DYNC2H1: variants seen among roughly 807,000 people sequenced by gnomAD.
DYNC2H1 encodes the protein cytoplasmic dynein 2 heavy chain 1.
DYNC2H1 carries 410 observed loss-of-function variants against 570.0 expected under a neutral mutation model. The observed-to-expected ratio is 0.72, with a 90% CI of 0.66 to 0.78. The LOEUF is 0.78. Among genes scored for constraint, DYNC2H1 ranks in the 30% least tolerant of loss-of-function variants. DYNC2H1 has a pLI of 0.00. For missense variants in DYNC2H1, 4,865 were observed against 5,046.4 expected, an observed-to-expected ratio of 0.96 and a Z score of 1.09; for synonymous variants, 1,688 against 1,677.6, an observed-to-expected ratio of 1.01 and a Z score of -0.15.
At position 103,326,033 on chromosome 11, in the gene DYNC2H1, G is replaced by T. The variant is rs142400456; in HGVS notation, c.12039+2043G>T. Among the ~76,000 whole-genome samples, 2 of 152,276 alleles carry T rather than the reference G, an allele frequency of 1.3e-5. No individual in the cohort carries two copies. Among genetic ancestry groups the T allele is most frequent in the African/African-American group, 4.8e-5 (2 of 41,546 alleles). ...GTTTGGGGCGCTTTCAGAGGGCCAA[G>T]GCTCTGTACAGTGTCTTTATTTGTG... On this transcript the variant is annotated intron_variant, in intron 82 of 88. Transcript: ENST00000375735. The surrounding 1 kb of genome is among the most constrained non-coding windows in gnomAD (Gnocchi z 6.1).
At chr11:103,291,116 A>G (rs1591532240) in intron 75 of DYNC2H1, among the ~76,000 whole-genome samples, 1 of 152,202 alleles carries the variant, frequency 6.6e-6, no homozygotes, top group East Asian at 1.9e-4. Context: ...GTTTATATTT[A>G]TTGATAGTTT....
rs564320561 is a variant in DYNC2H1, at chr11:103,268,834, G to T, written c.10695+8857G>T. ...AGTTAGTTGCTTGTTTCTAAGCTAT[G>T]TGTCTTATCTCAGTTTATATATTCT... On this transcript the variant is annotated intron_variant, in intron 70 of 88. Transcript: ENST00000375735. This position sits in a 1 kb window ranked among gnomAD's most constrained non-coding sequence, Gnocchi z 4.6. Among the ~76,000 whole-genome samples, 3 of 152,098 alleles carry T rather than the reference G, an allele frequency of 2.0e-5. No homozygotes were observed. In the South Asian group the frequency reaches 6.2e-4, roughly 32 times the overall value.
intron 76 of DYNC2H1, among the ~76,000 whole-genome samples, chr11:103,304,042 C>G (rs1867163565): frequency 6.6e-6 from 1 of 150,880 alleles, no homozygotes; most frequent in Non-Finnish European, 1.5e-5. Flanking sequence ...GCCTTTTTTT[C>G]AATTTGCATG....
chr11:103,161,100 T>G (rs1591338787), intron 29 of DYNC2H1, 56 bp downstream of exon 29: 1 of 1,004,204 alleles, frequency 1.0e-6, no homozygotes, highest in South Asian at 1.9e-5. Context: ...ATATGAACTT[T>G]GTGTCTAAAA....
intron 75 of DYNC2H1, among the ~76,000 whole-genome samples, chr11:103,300,248 A>T (rs1309338599): frequency 6.6e-6 from 1 of 152,050 alleles, no homozygotes; most frequent in African/African-American, 2.4e-5. Flanking sequence ...ATAAAATAAA[A>T]AACAATAAAG....
At chr11:103,332,725 G>A (rs1938886448) in intron 82 of DYNC2H1, among the ~76,000 whole-genome samples, 1 of 152,152 alleles carries the variant, frequency 6.6e-6, no homozygotes, top group African/African-American at 2.4e-5. Flanking sequence ...TTCTCGGCTG[G>A]GCACAGTGGC....
chr11:103,109,729 GGGT>G lies in DYNC2H1; in HGVS notation c.157_159del (p.Val53del). 1 of 1,613,866 alleles carries G rather than the reference GGGT, an allele frequency of 6.2e-7. No individual in the cohort carries two copies. Among genetic ancestry groups the G allele is most frequent in the Non-Finnish European group, 8.5e-7 (1 of 1,179,876 alleles). The stretch of plus-strand genomic sequence containing the variant: ...GATGACGGCAACCAGATGCTCCTCA[GGGT>G]GCAGCGATCCGACGCAGGAATCTCC... On this transcript the variant is annotated inframe_deletion, in exon 1 of 89. Transcript: ENST00000375735.
intron 73 of DYNC2H1, 144 bp downstream of exon 73, chr11:103,283,229 T>A: frequency 1.9e-6 from 1 of 539,018 alleles, no homozygotes; most frequent in Non-Finnish European, 3.2e-6. Flanking sequence ...ACCAAAGAAT[T>A]ATTGTAATTA....
intron 13 of DYNC2H1, among the ~76,000 whole-genome samples, chr11:103,131,721 A>T (rs987193354): frequency 6.7e-6 from 1 of 149,680 alleles, no homozygotes; most frequent in Admixed American, 6.7e-5. Flanking sequence ...CATATTTGAC[A>T]TTTTTTTTTT....
At chr11:103,424,125 C>G (rs1943585412) in intron 84 of DYNC2H1, among the ~76,000 whole-genome samples, 1 of 151,950 alleles carries the variant, frequency 6.6e-6, no homozygotes, top group Admixed American at 6.6e-5. Flanking sequence ...TGCATGGATC[C>G]AGAGTATTTT....
chr11:103,121,340 T>G, intron 9 of DYNC2H1, 32 bp from the exon 10 acceptor site: 4 of 1,555,412 alleles, frequency 2.6e-6, no homozygotes, highest in Non-Finnish European at 3.5e-6. Flanking sequence ...TGCTAATTCT[T>G]TGTAATCATT....
chr11:103,384,936 C>G (rs758959023), intron 83 of DYNC2H1, among the ~76,000 whole-genome samples: 2 of 152,094 alleles, frequency 1.3e-5, no homozygotes, highest in Non-Finnish European at 2.9e-5. Flanking sequence ...AATTTGCCCT[C>G]TGTCTTAAAG....
At chr11:103,368,439 TG>T (rs200101618) in intron 83 of DYNC2H1, among the ~76,000 whole-genome samples, 2 of 151,648 alleles carry the variant, frequency 1.3e-5, no homozygotes, top group Non-Finnish European at 2.9e-5. Context: ...GAATCACATT[TG>T]GGTTTTTTTT....
chr11:103,330,513 CTT>C (rs1176644782), intron 82 of DYNC2H1, among the ~76,000 whole-genome samples: 1 of 144,340 alleles, frequency 6.9e-6, no homozygotes, highest in Non-Finnish European at 1.6e-5. Context: ...TTAAAACAGA[CTT>C]TTGTTTCAGA....
At chr11:103,182,653 T>A (rs1861900097) in intron 40 of DYNC2H1, among the ~76,000 whole-genome samples, 1 of 151,876 alleles carries the variant, frequency 6.6e-6, no homozygotes, top group South Asian at 2.1e-4. Context: ...TGAAAAAAGT[T>A]TAGCATGCAA....
Position 103,316,599 on chromosome 11 carries a change from A to T in DYNC2H1, c.11704A>T (p.Ile3902Phe). 6.5e-7 allele frequency: 1 copy of T among 1,547,676 alleles called. No individual in the cohort carries two copies. Among genetic ancestry groups the T allele is most frequent in the Non-Finnish European group, 8.7e-7 (1 of 1,148,680 alleles). ...SLSDLRAGYN[I>F]IDRLFDGAKD... is the part of the protein sequence containing the mutation. ...ATCAGATCTTCGGGCTGGGTACAACATTATTGACAGACTTTTTGATGGTAA... is the reference window on the plus strand; with the variant it reads ...ATCAGATCTTCGGGCTGGGTACAACTTTATTGACAGACTTTTTGATGGTAA... The change falls in exon 80 of 89, where the codon ATT becomes TTT. Residue 3902 changes from isoleucine to phenylalanine, a missense_variant. Physicochemically the swap from Ile to Phe is conservative, Grantham distance 21. Transcript: ENST00000375735.
Position 103,134,495 on chromosome 11 carries a change from C to T in DYNC2H1, c.2205+76C>T, listed in dbSNP as rs1021631870. The T allele has an allele frequency of 2.6e-5, 30 of 1,151,956 alleles. No individual in the cohort carries two copies. In the East Asian group the frequency reaches 6.8e-4, roughly 26 times the overall value. 71.4% of individuals were successfully genotyped at this position (1,151,956 alleles called of 1,614,324 possible). A position where few individuals can be genotyped will look rare whatever the true frequency, so the allele number is the denominator to read the frequency against. ...AATGTAAGTACAATATATGAATTGC[C>T]GAGAAGTTCATAAAAGTTATCTTTA... On this transcript the variant is annotated intron_variant, in intron 15 of 88. Coordinates refer to ENST00000375735, the MANE Select transcript of DYNC2H1 (RefSeq NM_001377.3).
rs1862724498 is a variant in DYNC2H1 at position 103,201,660 on chromosome 11, G to A, written c.8197+1506G>A. 6.6e-6 allele frequency among the ~76,000 whole-genome samples: 1 copy of A among 152,138 alleles called. No homozygotes were observed. The highest frequency in any genetic ancestry group is 2.1e-4 in the South Asian group (1 of 4,824). The stretch of plus-strand genomic sequence containing the variant: ...GTTGCTACTCTTCTCCTGTGGCTCT[G>A]TCCCCAGCAAACTGTGGTACTCTCC... On this transcript the variant is annotated intron_variant, in intron 50 of 88. Coordinates refer to ENST00000375735, the MANE Select transcript of DYNC2H1 (RefSeq NM_001377.3). The surrounding 1 kb of genome is among the most constrained non-coding windows in gnomAD (Gnocchi z 4.8).
chr11:103,451,368 C>G (rs1944597377), intron 85 of DYNC2H1, among the ~76,000 whole-genome samples: 3 of 108,358 alleles, frequency 2.8e-5, no homozygotes, highest in African/African-American at 1.1e-4. Flanking sequence ...GAGTCTTGCT[C>G]TATCACCAGG....
Sources: allele counts gnomAD v4.1 joint callset (sites outside exome capture counted in the v4.1 genomes callset), GRCh38; gene constraint gnomAD v4.1.1; non-coding constraint Gnocchi (gnomAD v3.1); transcripts MANE v1.5; gene names NCBI Gene and HGNC (gene_info 2026-07-23, HGNC 2026-07-21).